The following OR1L8 variants were observed in gnomAD, a reference collection of about 807,000 sequenced individuals.
OR1L8 encodes the protein olfactory receptor family 1 subfamily L member 8, also known as olfactory receptor 1L8.
For synonymous variants in OR1L8, 148 were observed against 147.0 expected (o/e 1.01, Z -0.05); for missense variants, 330 against 377.4 (o/e 0.87, Z 1.04).
At chr9:122,573,917 T>C (rs1829596148) in intron 3 of OR1L8, among the ~76,000 whole-genome samples, 1 of 152,224 alleles carries the variant, frequency 6.6e-6, no homozygotes, top group Admixed American at 6.5e-5. Flanking sequence ...TTAATGTTTA[T>C]AAAGGGTGAA....
At chr9:122,582,091 AT>A (rs1032912591) in intron 1 of OR1L8, among the ~76,000 whole-genome samples, 1 of 152,134 alleles carries the variant, frequency 6.6e-6, no homozygotes, top group African/African-American at 2.4e-5. Context: ...TGTAAGAATT[AT>A]TTTTTTTAAG....
At position 122,567,699 on chromosome 9, in the gene OR1L8, T is replaced by C; in HGVS notation, c.779A>G (p.Tyr260Cys). ...TLFYGSIFCV[Y>C]LQPPSTYAVK... Reference sequence around the variant, plus strand: ...AGCGTAGGTGGATGGGGGCTGTAAATAGACACAGAAGATGCTTCCATAAAA... The same window carrying C: ...AGCGTAGGTGGATGGGGGCTGTAAACAGACACAGAAGATGCTTCCATAAAA... Residue 260 changes from tyrosine (Y) to cysteine (C), a missense_variant, in exon 5 of 5, where the codon TAT becomes TGT. Coordinates refer to ENST00000641027, the MANE Select transcript of OR1L8 (RefSeq NM_001004454.2). 13 of 1,614,012 alleles carry C rather than the reference T, an allele frequency of 8.1e-6. No individual in the cohort carries two copies. The highest frequency in any genetic ancestry group is 1.1e-5 in the Non-Finnish European group (13 of 1,179,998).
At position 122,567,662 on chromosome 9, in the gene OR1L8, G is replaced by C; in HGVS notation, c.816C>G (p.His272Gln). The C allele has an allele frequency of 6.2e-7, 1 of 1,614,036 alleles. No individual in the cohort carries two copies. Among genetic ancestry groups the C allele is most frequent in the Non-Finnish European group, 8.5e-7 (1 of 1,179,922 alleles). ...AAACTGTGTAAACAATTGTTGCCAC[G>C]TGGTCCTTGACAGCGTAGGTGGATG... ...QPPSTYAVKD[H>Q]VATIVYTVLS... Residue 272 changes from histidine to glutamine, a missense_variant, in exon 5 of 5, where the codon CAC (histidine) becomes CAG (glutamine). Coordinates refer to ENST00000641027, the MANE Select transcript of OR1L8 (RefSeq NM_001004454.2).
intron 1 of OR1L8, among the ~76,000 whole-genome samples, chr9:122,581,802 C>T (rs1165102514): frequency 6.6e-6 from 1 of 152,000 alleles, no homozygotes; most frequent in Non-Finnish European, 1.5e-5. Context: ...GAAAAATCAG[C>T]AGGATGTGGT....
chr9:122,547,528 CT>C, the OR1L8 span, among the ~76,000 whole-genome samples: 303 of 152,146 alleles, frequency 2.0e-3, 2 homozygotes, highest in African/African-American at 7.0e-3. Flanking sequence ...CCTCAGCCCC[CT>C]CCCACCTTCC....
downstream of OR1L8, among the ~76,000 whole-genome samples, chr9:122,563,407 CTTTT>C (rs1478220255): frequency 2.0e-5 from 3 of 152,082 alleles, no homozygotes; most frequent in Non-Finnish European, 4.4e-5. Flanking sequence ...TAGATGTCTT[CTTTT>C]AAGAAATATC....
intron 3 of OR1L8, among the ~76,000 whole-genome samples, chr9:122,573,405 T>C (rs1342662721): frequency 3.3e-5 from 5 of 152,218 alleles, no homozygotes. Flanking sequence ...TGAGTGAATA[T>C]TTTTATGTTT....
chr9:122,575,941 C>T (rs1299246958), intron 3 of OR1L8, among the ~76,000 whole-genome samples: 1 of 152,138 alleles, frequency 6.6e-6, no homozygotes, highest in Admixed American at 6.5e-5. Flanking sequence ...TCTATCCCTG[C>T]ATATTTCTTT....
chr9:122,548,403 A>G, the OR1L8 span, among the ~76,000 whole-genome samples: 1 of 152,152 alleles, frequency 6.6e-6, no homozygotes, highest in East Asian at 1.9e-4. Flanking sequence ...AATTTTCCAC[A>G]AGGAAATGTC....
At chr9:122,570,220 G>GT (rs1211805571) in intron 4 of OR1L8, among the ~76,000 whole-genome samples, 1 of 150,806 alleles carries the variant, frequency 6.6e-6, no homozygotes, top group Non-Finnish European at 1.5e-5. Flanking sequence ...GGGTCAAATG[G>GT]TATTTCTAGT....
chr9:122,576,948 C>T (rs1829667976), intron 2 of OR1L8, 47 bp from the exon 3 acceptor site: 1 of 152,100 alleles, frequency 6.6e-6, no homozygotes, highest in Non-Finnish European at 1.5e-5. Flanking sequence ...TTTACTCTTT[C>T]AGAAGGAGTA....
the OR1L8 span, among the ~76,000 whole-genome samples, chr9:122,555,874 A>T: frequency 6.6e-6 from 1 of 152,200 alleles, no homozygotes; most frequent in African/African-American, 2.4e-5. Flanking sequence ...CTCCACTGAC[A>T]CATCATCACC....
chr9:122,569,284 C>A (rs1829496863), intron 4 of OR1L8, among the ~76,000 whole-genome samples: 1 of 152,148 alleles, frequency 6.6e-6, no homozygotes, highest in Non-Finnish European at 1.5e-5. Context: ...ACAGAATAAG[C>A]ACCCATTGTT....
chr9:122,547,481 A>G, the OR1L8 span, among the ~76,000 whole-genome samples: 1 of 152,188 alleles, frequency 6.6e-6, no homozygotes, highest in Non-Finnish European at 1.5e-5. Flanking sequence ...CTATCACCAG[A>G]ATATGGTACA....
At chr9:122,549,182 C>G in the OR1L8 span, among the ~76,000 whole-genome samples, 1 of 151,988 alleles carries the variant, frequency 6.6e-6, no homozygotes, top group Non-Finnish European at 1.5e-5. Context: ...TTGGTGCTCT[C>G]CCCGCAGTAA....
In OR1L8 at chr9:122,580,429, C is replaced by T. The variant is rs117477690; in HGVS notation, c.-599-1984G>A. Among the ~76,000 whole-genome samples, 38 of 152,198 alleles carry T rather than the reference C, an allele frequency of 2.5e-4. No individual in the cohort carries two copies. The East Asian group carries it at 6.6e-3, about 26-fold the overall frequency. On this transcript the variant is annotated intron_variant, in intron 1 of 4. Transcript: ENST00000641027. ...ACAAATAAAACCATTGAATAATAACCTTTCTGTTTCCCTTAGTTGATAGGT... is the reference window on the plus strand; with the variant it reads ...ACAAATAAAACCATTGAATAATAACTTTTCTGTTTCCCTTAGTTGATAGGT...
chr9:122,579,102 G>A (rs984187922), intron 1 of OR1L8, among the ~76,000 whole-genome samples: 1 of 151,876 alleles, frequency 6.6e-6, no homozygotes, highest in Admixed American at 6.6e-5. Flanking sequence ...ATATGTACAA[G>A]GATAGTACAC....
At position 122,570,459 on chromosome 9, in the gene OR1L8, TA is replaced by T. The variant is rs1203827488; in HGVS notation, c.-212-1771del. ...TTTATATATTGATGTACTAAAAAAT[TA>T]AATGCTTACATTTTTCTTGTAAGTT... is the stretch of plus-strand genomic sequence containing the variant. On this transcript the variant is annotated intron_variant, in intron 4 of 4. Coordinates refer to ENST00000641027, the MANE Select transcript of OR1L8 (RefSeq NM_001004454.2). Among the ~76,000 whole-genome samples, 7 of 152,250 alleles carry T rather than the reference TA, an allele frequency of 4.6e-5. No individual in the cohort carries two copies. In the East Asian group the frequency reaches 1.3e-3, roughly 29 times the overall value.
the OR1L8 span, chr9:122,553,583 C>A: frequency 2.5e-6 from 4 of 1,613,986 alleles, no homozygotes; most frequent in Non-Finnish European, 8.5e-7. Context: ...TGGCATATGA[C>A]CGCTATGTGG....
Sources: allele counts gnomAD v4.1 joint callset (sites outside exome capture counted in the v4.1 genomes callset), GRCh38; gene constraint gnomAD v4.1.1; transcripts MANE v1.5; gene names NCBI Gene and HGNC (gene_info 2026-07-23, HGNC 2026-07-21).